FLACC1: variants seen among roughly 807,000 people sequenced by gnomAD.
FLACC1 encodes the protein flagellum associated containing coiled-coil domains 1.
Under a neutral mutation model 62.8 loss-of-function variants are expected in FLACC1, and 66 were observed. The ratio of observed to expected loss-of-function variants is 1.05; its 90% CI spans 0.86 to 1.29. The LOEUF is 1.29. Among genes scored for constraint, FLACC1 ranks in the 50% most tolerant of loss-of-function variants. The pLI is 0.00. For synonymous variants in FLACC1, 156 were observed against 161.0 expected (o/e 0.97, Z 0.24); for missense variants, 452 against 489.1 (o/e 0.92, Z 0.71).
At chr2:201,309,501 T>C (rs927655856) in intron 9 of FLACC1, among the ~76,000 whole-genome samples, 12 of 152,282 alleles carry the variant, frequency 7.9e-5, no homozygotes, top group African/African-American at 2.6e-4. Context: ...GGGCAAACTA[T>C]GCACAGTGTT....
intron 11 of FLACC1, among the ~76,000 whole-genome samples, chr2:201,303,947 C>T (rs550497084): frequency 1.4e-4 from 22 of 152,126 alleles, no homozygotes; most frequent in African/African-American, 3.9e-4. Flanking sequence ...ATAAGAGCTA[C>T]CTATGACAAA....
At chr2:201,299,393 A>C (rs752548515) in intron 11 of FLACC1, 93 bp from the exon 12 acceptor site, 32 of 989,762 alleles carry the variant, frequency 3.2e-5, no homozygotes, top group Non-Finnish European at 4.6e-5. Context: ...CAGGAATATA[A>C]TATTCACCAA....
chr2:201,289,966 A>C (rs1949694963), intron 12 of FLACC1, 181 bp from the exon 13 acceptor site: 1 of 1,063,174 alleles, frequency 9.4e-7, no homozygotes, highest in Non-Finnish European at 1.4e-6. Flanking sequence ...CCTTCTCTTC[A>C]GCCTCACCAG....
intron 9 of FLACC1, among the ~76,000 whole-genome samples, chr2:201,316,422 G>C (rs936727589): frequency 6.6e-6 from 1 of 152,012 alleles, no homozygotes; most frequent in Non-Finnish European, 1.5e-5. Flanking sequence ...CAAGGCTACT[G>C]TGAACACCTT....
chr2:201,362,808 T>C, the FLACC1 span, among the ~76,000 whole-genome samples: 2 of 152,156 alleles, frequency 1.3e-5, no homozygotes, highest in African/African-American at 4.8e-5. Flanking sequence ...CACAGGCATT[T>C]TAGTCTTGGG....
intron 9 of FLACC1, among the ~76,000 whole-genome samples, chr2:201,319,923 T>A (rs1470946581): frequency 6.6e-6 from 1 of 152,166 alleles, no homozygotes; most frequent in African/African-American, 2.4e-5. Context: ...ACACTGTGAA[T>A]CAGGCAAAGG....
chr2:201,345,358 G>C (rs1402846117), intron 5 of FLACC1, among the ~76,000 whole-genome samples: 1 of 152,084 alleles, frequency 6.6e-6, no homozygotes, highest in African/African-American at 2.4e-5. Context: ...GGGGCCTTCA[G>C]ACTCACCCTC....
intron 7 of FLACC1, among the ~76,000 whole-genome samples, chr2:201,333,403 T>A (rs1224757841): frequency 6.6e-6 from 1 of 152,206 alleles, no homozygotes; most frequent in African/African-American, 2.4e-5. Flanking sequence ...ATTGGATTTA[T>A]TTATTTATTT....
intron 11 of FLACC1, among the ~76,000 whole-genome samples, chr2:201,299,771 T>C (rs1010985475): frequency 5.3e-5 from 8 of 152,212 alleles, no homozygotes; most frequent in African/African-American, 1.9e-4. Flanking sequence ...GATTTCAAAC[T>C]TCAGTAGTCA....
chr2:201,307,749 GTGT>G, intron 10 of FLACC1, 127 bp from the exon 11 acceptor site: 1 of 732,278 alleles, frequency 1.4e-6, no homozygotes, highest in Admixed American at 2.2e-5. Context: ...TTGCAGCCTG[GTGT>G]TTGGCCTCTG....
At chr2:201,354,609 G>T (rs892920748) in intron 1 of FLACC1, among the ~76,000 whole-genome samples, 4 of 152,134 alleles carry the variant, frequency 2.6e-5, no homozygotes, top group African/African-American at 9.7e-5. Flanking sequence ...GGGATCGAGT[G>T]CCCAGGTGGG....
intron 9 of FLACC1, among the ~76,000 whole-genome samples, chr2:201,312,919 T>C (rs917499011): frequency 1.3e-5 from 2 of 152,210 alleles, no homozygotes; most frequent in South Asian, 2.1e-4. Context: ...AAAGGGGGAT[T>C]GTCCACCTTC....
chr2:201,348,006 C>T (rs1370608511), intron 4 of FLACC1: 1 of 348,510 alleles, frequency 2.9e-6, no homozygotes, highest in African/African-American at 2.2e-5. Context: ...CTGAGACACT[C>T]TGTTTGTCTT....
chr2:201,339,257 T>C (rs1283221499), intron 7 of FLACC1, among the ~76,000 whole-genome samples: 1 of 152,158 alleles, frequency 6.6e-6, no homozygotes, highest in Non-Finnish European at 1.5e-5. Flanking sequence ...GTGGCAACAG[T>C]TGTAATGTCT....
intron 3 of FLACC1, 109 bp downstream of exon 3, chr2:201,350,602 G>C: frequency 1.1e-6 from 1 of 897,954 alleles, no homozygotes; most frequent in South Asian, 1.6e-5. Flanking sequence ...AATCGCTTGA[G>C]ACTGGGAGGC....
At position 201,344,269 on chromosome 2, in the gene FLACC1, G is replaced by A; in HGVS notation, c.369-6C>T. Reference sequence around the variant, plus strand: ...GGTCAGAAATGATGTTGGTCCTGTAGGAGAAGTAATTCTTCTATCATCCAC... The same window carrying A: ...GGTCAGAAATGATGTTGGTCCTGTAAGAGAAGTAATTCTTCTATCATCCAC... On this transcript the variant is annotated splice_polypyrimidine_tract_variant and splice_region_variant and intron_variant, in intron 5 of 14. Transcript: ENST00000392257. 1.9e-6 allele frequency: 3 copies of A among 1,602,082 alleles called. No homozygotes were observed. Among genetic ancestry groups the A allele is most frequent in the Non-Finnish European group, 1.7e-6 (2 of 1,169,290 alleles).
upstream of FLACC1, among the ~76,000 whole-genome samples, chr2:201,358,411 ATTTT>A (rs529458487): frequency 8.3e-4 from 100 of 120,378 alleles, no homozygotes; most frequent in South Asian, 5.4e-3. Context: ...TGCCCAGCTA[ATTTT>A]TTTTTTTTTT....
chr2:201,320,511 T>C (rs999411706), intron 9 of FLACC1, among the ~76,000 whole-genome samples: 4 of 152,232 alleles, frequency 2.6e-5, no homozygotes, highest in Admixed American at 2.6e-4. Context: ...TGGGAGTGCA[T>C]CTGTCTTGCC....
intron 9 of FLACC1, among the ~76,000 whole-genome samples, chr2:201,321,717 G>A (rs1246732426): frequency 1.3e-5 from 2 of 152,176 alleles, no homozygotes; most frequent in South Asian, 2.1e-4. Flanking sequence ...GAGATGAAAA[G>A]CTGGAGCACT....
Sources: allele counts gnomAD v4.1 joint callset (sites outside exome capture counted in the v4.1 genomes callset), GRCh38; gene constraint gnomAD v4.1.1; transcripts MANE v1.5; gene names NCBI Gene and HGNC (gene_info 2026-07-23, HGNC 2026-07-21).